ST6GAL2: variants seen among roughly 807,000 people sequenced by gnomAD.
ST6GAL2 encodes the protein beta-galactoside alpha-2,6-sialyltransferase 2.
A neutral mutation model predicts 37.5 loss-of-function variants in ST6GAL2; 24 were observed. That is an observed-to-expected ratio of 0.64 (90% CI 0.46 to 0.90). ST6GAL2 has a LOEUF of 0.90. Among genes scored for constraint, ST6GAL2 ranks in the 40% least tolerant of loss-of-function variants. The pLI is 0.00. For synonymous variants in ST6GAL2, 306 were observed against 295.1 expected (o/e 1.04, Z -0.38); for missense variants, 715 against 712.7 (o/e 1.00, Z -0.04).
At chr2:106,882,983 C>A (rs1440562245) in intron 1 of ST6GAL2, among the ~76,000 whole-genome samples, 1 of 152,194 alleles carries the variant, frequency 6.6e-6, no homozygotes, top group African/African-American at 2.4e-5. Context: ...GTGGGATAAT[C>A]AGGAACCTGC....
At chr2:106,851,464 G>A (rs1408499508) in intron 1 of ST6GAL2, among the ~76,000 whole-genome samples, 4 of 152,170 alleles carry the variant, frequency 2.6e-5, no homozygotes, top group Admixed American at 6.5e-5. Context: ...AATTTATTAC[G>A]AGTTGTCAGA....
intron 1 of ST6GAL2, among the ~76,000 whole-genome samples, chr2:106,864,327 G>A (rs1558720901): frequency 6.6e-6 from 1 of 152,120 alleles, no homozygotes; most frequent in Non-Finnish European, 1.5e-5. Context: ...CTTCTCCCCT[G>A]TTCCTGCAAC....
upstream of ST6GAL2, chr2:106,886,929 C>G (rs1248881865): frequency 6.6e-6 from 1 of 152,496 alleles, no homozygotes; most frequent in East Asian, 2.0e-4. Context: ...AGGCGTGTTT[C>G]TCCCCGGCCG....
chr2:106,823,442 A>AACACACACACACACACAC lies in ST6GAL2; in HGVS notation c.1318+6606_1318+6623dup, dbSNP rs60795605. ...TATTGCTTTCCTTTTCCCAGCAGAA[A>AACACACACACACACACAC]ACACACACACACACACACACACACA... On this transcript the variant is annotated intron_variant, in intron 5 of 5. Transcript: ENST00000409382. Among the ~76,000 whole-genome samples, 945 of 101,102 alleles carry AACACACACACACACACAC rather than the reference A, an allele frequency of 9.3e-3. 2 individuals carry two copies. Among genetic ancestry groups the AACACACACACACACACAC allele is most frequent in the Non-Finnish European group, 0.014 (634 of 46,360 alleles). 66.3% of individuals were successfully genotyped at this position (101,102 alleles called of 152,430 possible). A position where few individuals can be genotyped will look rare whatever the true frequency, so the allele number is the denominator to read the frequency against.
At chr2:106,839,175 T>C (rs185930401) in intron 2 of ST6GAL2, among the ~76,000 whole-genome samples, 69 of 152,276 alleles carry the variant, frequency 4.5e-4, no homozygotes, top group African/African-American at 1.6e-3. Flanking sequence ...TCCAGGAAGA[T>C]GATCTGCCTT....
At chr2:106,827,126 A>C (rs1163054474) in intron 5 of ST6GAL2, among the ~76,000 whole-genome samples, 2 of 152,234 alleles carry the variant, frequency 1.3e-5, no homozygotes, top group Non-Finnish European at 2.9e-5. Context: ...TGCTGAGACA[A>C]CAAGTCAATA....
At chr2:106,837,107 G>A (rs1276284370) in intron 2 of ST6GAL2, among the ~76,000 whole-genome samples, 1 of 152,084 alleles carries the variant, frequency 6.6e-6, no homozygotes, top group African/African-American at 2.4e-5. Context: ...TGACAGGCTC[G>A]CTTGATTCCT....
chr2:106,858,475 A>G (rs6543453), intron 1 of ST6GAL2, among the ~76,000 whole-genome samples: 112,302 of 152,114 alleles, frequency 0.74, 42,298 homozygotes, highest in Non-Finnish European at 0.82. Context: ...GAATCAGAGG[A>G]GAGTAATGTC....
chr2:106,857,939 A>G (rs1407821899), intron 1 of ST6GAL2, among the ~76,000 whole-genome samples: 1 of 152,234 alleles, frequency 6.6e-6, no homozygotes, highest in Admixed American at 6.5e-5. Flanking sequence ...AATGCCAGTA[A>G]GAAAGATACT....
intron 5 of ST6GAL2, among the ~76,000 whole-genome samples, chr2:106,817,630 C>T (rs1434404983): frequency 2.0e-5 from 3 of 152,112 alleles, no homozygotes; most frequent in Non-Finnish European, 4.4e-5. Context: ...CTTCAGGTGA[C>T]ACTCAGCATT....
chr2:106,860,129 G>C (rs555515126), intron 1 of ST6GAL2, among the ~76,000 whole-genome samples: 6 of 152,186 alleles, frequency 3.9e-5, no homozygotes, highest in African/African-American at 1.4e-4. Context: ...ATTTAGTAAG[G>C]GTTTCCCTCC....
chr2:106,822,512 G>A (rs1676043521), intron 5 of ST6GAL2, among the ~76,000 whole-genome samples: 1 of 152,100 alleles, frequency 6.6e-6, no homozygotes, highest in South Asian at 2.1e-4. Flanking sequence ...CAAAAATATG[G>A]AAATATATTC....
chr2:106,847,234 C>T (rs1260925715), intron 1 of ST6GAL2, among the ~76,000 whole-genome samples: 1 of 152,164 alleles, frequency 6.6e-6, no homozygotes, highest in African/African-American at 2.4e-5. Flanking sequence ...AACATCTTAC[C>T]AGGAACTGGT....
chr2:106,803,560 G>A lies in ST6GAL2; in HGVS notation c.*3118C>T, dbSNP rs1216536925. The A allele has an allele frequency of 6.6e-6, 1 of 152,070 alleles. No individual in the cohort carries two copies. The highest frequency in any genetic ancestry group is 2.4e-5 in the African/African-American group (1 of 41,402). 9.4% of individuals were successfully genotyped at this position (152,070 alleles called of 1,614,324 possible). On this transcript the variant is annotated 3_prime_UTR_variant, in exon 6 of 6. Coordinates refer to ENST00000409382, the MANE Select transcript of ST6GAL2 (RefSeq NM_001142351.2). Reference sequence around the variant, plus strand: ...TGACTGGCTGGAGAAATAAGGTAGGGAGAATCTAGATATGGTTGAATTGTC... The same window carrying A: ...TGACTGGCTGGAGAAATAAGGTAGGAAGAATCTAGATATGGTTGAATTGTC...
intron 4 of ST6GAL2, 41 bp downstream of exon 4, chr2:106,832,524 T>C (rs772306207): frequency 1.9e-6 from 2 of 1,044,624 alleles, no homozygotes; most frequent in Non-Finnish European, 2.9e-6. Context: ...TCAAAGCCAT[T>C]GTCTGACCGT....
chr2:106,835,440 C>G (rs1333507790), intron 2 of ST6GAL2, among the ~76,000 whole-genome samples: 2 of 152,150 alleles, frequency 1.3e-5, no homozygotes, highest in Non-Finnish European at 1.5e-5. Flanking sequence ...TAAAAAGGTG[C>G]CTTCACTGAC....
At chr2:106,815,210 G>A (rs1675756366) in intron 5 of ST6GAL2, among the ~76,000 whole-genome samples, 1 of 152,142 alleles carries the variant, frequency 6.6e-6, no homozygotes, top group African/African-American at 2.4e-5. Context: ...TAATTCTTGG[G>A]AAAGCAATAT....
At chr2:106,873,209 T>C (rs1678351311) in intron 1 of ST6GAL2, among the ~76,000 whole-genome samples, 1 of 152,180 alleles carries the variant, frequency 6.6e-6, no homozygotes, top group Admixed American at 6.5e-5. Context: ...GTTGTGGCCA[T>C]GCATCTGATA....
chr2:106,850,211 G>A (rs776944404), intron 1 of ST6GAL2, among the ~76,000 whole-genome samples: 1 of 152,202 alleles, frequency 6.6e-6, no homozygotes, highest in Non-Finnish European at 1.5e-5. Flanking sequence ...AGAAGAATGA[G>A]AGGATGTCAG....
Sources: gnomAD v4.1 joint callset for allele counts (sites outside exome capture counted in the v4.1 genomes callset) on GRCh38, gnomAD v4.1.1 for gene constraint, MANE v1.5 for transcripts, NCBI Gene and HGNC (gene_info 2026-07-23, HGNC 2026-07-21) for gene names.